The following SPTA1 variants were observed in gnomAD, a reference collection of about 807,000 sequenced individuals.
SPTA1 encodes the protein spectrin alpha chain, erythrocytic 1.
In SPTA1, 177 loss-of-function variants were observed where a neutral mutation model predicts 324.7. That is an observed-to-expected ratio of 0.55 (90% CI 0.48 to 0.62). The LOEUF (loss-of-function observed/expected upper bound fraction) is 0.62. Ranked by LOEUF, SPTA1 falls within the 20% of genes least tolerant of loss-of-function variation. The pLI is 0.00. For synonymous variants in SPTA1, 1,195 were observed against 1,041.3 expected (o/e 1.15, Z -2.84); for missense variants, 3,162 against 2,883.6 (o/e 1.10, Z -2.21).
intron 30 of SPTA1, 86 bp from the exon 31 acceptor site, chr1:158,643,511 G>A (rs899574966): frequency 7.7e-7 from 1 of 1,301,756 alleles, no homozygotes; most frequent in Non-Finnish European, 1.1e-6. Flanking sequence ...AAAGAATGAA[G>A]GTATCCTTTG....
intron 20 of SPTA1, 115 bp from the exon 21 acceptor site, chr1:158,654,863 A>G: frequency 1.4e-6 from 2 of 1,408,890 alleles, no homozygotes; most frequent in South Asian, 2.4e-5. Flanking sequence ...TCTGGCTGGA[A>G]CCTCTTACGT....
rs778789862 is a variant in SPTA1 at position 158,619,418 on chromosome 1, A to G, written c.6418-84T>C. 2.3e-4 allele frequency: 299 copies of G among 1,307,506 alleles called. 2 individuals carry two copies. The highest frequency in any genetic ancestry group is 7.4e-4 in the Middle Eastern group (4 of 5,428). 81.0% of individuals were successfully genotyped at this position (1,307,506 alleles called of 1,614,324 possible). A position where few individuals can be genotyped will look rare whatever the true frequency, so the allele number is the denominator to read the frequency against. On this transcript the variant is annotated intron_variant, in intron 44 of 51. Coordinates refer to ENST00000643759, the MANE Select transcript of SPTA1 (RefSeq NM_003126.4). ...AGAATTGGTTTGTAGGCTTAACTGC[A>G]TATCTTTCCTCTCTCAAGTCTAACC...
chr1:158,634,473 A>G, intron 39 of SPTA1, 70 bp downstream of exon 39: 1 of 1,600,574 alleles, frequency 6.2e-7, no homozygotes, highest in African/African-American at 1.3e-5. Context: ...TTACAGGTAA[A>G]AACACTGACT....
At chr1:158,651,304 G>T in intron 24 of SPTA1, 63 bp downstream of exon 24, 1 of 1,022,772 alleles carries the variant, frequency 9.8e-7, no homozygotes, top group Non-Finnish European at 1.6e-6. Context: ...CCATGTTGAA[G>T]TGAAATGAGG....
chr1:158,656,689 A>G, intron 19 of SPTA1, 33 bp from the exon 20 acceptor site: 2 of 1,562,832 alleles, frequency 1.3e-6, no homozygotes, highest in South Asian at 2.2e-5. Context: ...ATCAGAATGA[A>G]TATAGGAGGA....
rs1324673646 is a variant in SPTA1, at chr1:158,618,022, T to C, written c.6548+17A>G. ...TAATATAATAAAGCAAACATGATGA[T>C]AACATAAAATACTGACCCATCCAGA... is the stretch of plus-strand genomic sequence containing the variant. On this transcript the variant is annotated intron_variant, in intron 46 of 51. Coordinates refer to ENST00000643759, the MANE Select transcript of SPTA1 (RefSeq NM_003126.4). The C allele has an allele frequency of 3.7e-6, 6 of 1,608,494 alleles. No individual in the cohort carries two copies. Among genetic ancestry groups the C allele is most frequent in the Admixed American group, 1.7e-5 (1 of 59,984 alleles).
intron 16 of SPTA1, among the ~76,000 whole-genome samples, chr1:158,665,527 G>A (rs941578168): frequency 6.6e-6 from 1 of 152,176 alleles, no homozygotes; most frequent in Non-Finnish European, 1.5e-5. Flanking sequence ...TGGGCTGGAA[G>A]TGGATTTCCA....
At chr1:158,677,915 G>C (rs919692526) in intron 6 of SPTA1, 81 bp from the exon 7 acceptor site, 1 of 1,567,848 alleles carries the variant, frequency 6.4e-7, no homozygotes, top group Non-Finnish European at 8.8e-7. Flanking sequence ...TCACAGCAAG[G>C]ACCATCCTAG....
intron 38 of SPTA1, 144 bp downstream of exon 38, chr1:158,635,769 C>T (rs1651021952): frequency 8.9e-6 from 11 of 1,231,634 alleles, no homozygotes; most frequent in South Asian, 1.3e-5. Context: ...TTGTGGTAAA[C>T]TTGTCATTTG....
intron 23 of SPTA1, among the ~76,000 whole-genome samples, chr1:158,651,949 G>A (rs1054593279): frequency 4.0e-5 from 6 of 151,444 alleles, no homozygotes; most frequent in East Asian, 1.9e-4. Context: ...TAAATCCCAC[G>A]TGGAAGATAT....
Position 158,652,485 on chromosome 1 carries a change from C to G in SPTA1, c.3357G>C (p.Lys1119Asn), listed in dbSNP as rs200230894. ...ELDDVWELQKKFDEFQKDLNT... is the reference protein window; with the variant it reads ...ELDDVWELQKNFDEFQKDLNT... ...TTCTCACCTTTTGGAACTCATCAAA[C>G]TTTTTCTGCAGCTCCCAAACATCAT... The change falls in exon 23 of 52, where the codon AAG becomes AAC. Residue 1119 changes from lysine to asparagine, a missense_variant. Transcript: ENST00000643759. 1,959 of 1,614,140 alleles carry G rather than the reference C, an allele frequency of 1.2e-3. 1 individual carries two copies. The highest frequency in any genetic ancestry group is 1.5e-3 in the Non-Finnish European group (1,779 of 1,180,016).
At chr1:158,611,510 A>G (rs1307832223) in intron 51 of SPTA1, 121 bp from the exon 52 acceptor site, 2 of 1,109,644 alleles carry the variant, frequency 1.8e-6, no homozygotes, top group Admixed American at 4.6e-5. Context: ...CGCAAGCCCT[A>G]TTTCTATTAC....
At chr1:158,654,014 A>T (rs118009494) in intron 21 of SPTA1, among the ~76,000 whole-genome samples, 1 of 152,236 alleles carries the variant, frequency 6.6e-6, no homozygotes, top group African/African-American at 2.4e-5. Context: ...GCCGCTCCAA[A>T]CATTTACTTG....
chr1:158,668,322 C>A (rs1312986413), intron 14 of SPTA1, among the ~76,000 whole-genome samples: 1 of 152,044 alleles, frequency 6.6e-6, no homozygotes, highest in Non-Finnish European at 1.5e-5. Context: ...GAATATGACA[C>A]CCCATTCAAG....
rs766916369 is a variant in SPTA1, at chr1:158,667,899, G to T, written c.1997C>A (p.Ala666Asp). 3 of 1,613,844 alleles carry T rather than the reference G, an allele frequency of 1.9e-6. No individual in the cohort carries two copies. The African/African-American group carries it at 4.0e-5, about 22-fold the overall frequency. The change falls in exon 15 of 52, where the codon GCC becomes GAC. Residue 666 changes from alanine (A) to aspartate (D), a missense_variant. Transcript: ENST00000643759. ...DNVTTRLSEVASLWEELLEAT... is the reference protein window; with the variant it reads ...DNVTTRLSEVDSLWEELLEAT... ...CTCCAGCAACTCCTCCCAGAGGCTG[G>T]CAACTTCACTCAGACGAGTGGTCAC...
chr1:158,634,748 C>A, intron 38 of SPTA1, 73 bp from the exon 39 acceptor site: 1 of 1,572,702 alleles, frequency 6.4e-7, no homozygotes. Context: ...TGGGGTGGCA[C>A]AATCTCATTC....
At chr1:158,621,204 C>T (rs531629878) in intron 43 of SPTA1, among the ~76,000 whole-genome samples, 3 of 149,274 alleles carry the variant, frequency 2.0e-5, no homozygotes, top group Non-Finnish European at 4.4e-5. Context: ...TTTTTTCAAA[C>T]AGCAAGTGAT....
rs540141329 is a variant in SPTA1, at chr1:158,680,289, G to T, written c.678+294C>A. ...ACATGAGTAATCAGTGTACTGCATG[G>T]TACAGAAGCTACTATATAAATGGCA... is the stretch of plus-strand genomic sequence containing the variant. On this transcript the variant is annotated intron_variant, in intron 5 of 51. Coordinates refer to ENST00000643759, the MANE Select transcript of SPTA1 (RefSeq NM_003126.4). Among the ~76,000 whole-genome samples, 17 of 152,086 alleles carry T rather than the reference G, an allele frequency of 1.1e-4. No homozygotes were observed. In the South Asian group the frequency reaches 3.5e-3, roughly 32 times the overall value.
intron 17 of SPTA1, among the ~76,000 whole-genome samples, chr1:158,662,402 C>T (rs867138055): frequency 5.9e-5 from 9 of 152,190 alleles, no homozygotes; most frequent in African/African-American, 1.9e-4. Flanking sequence ...GTATCTCAGG[C>T]ATTAACCATG....
Sources: allele counts gnomAD v4.1 joint callset (sites outside exome capture counted in the v4.1 genomes callset), GRCh38; gene constraint gnomAD v4.1.1; transcripts MANE v1.5; gene names NCBI Gene and HGNC (gene_info 2026-07-23, HGNC 2026-07-21).